Variants in EPHA3 observed in about 807,000 individuals in gnomAD.
EPHA3 encodes EPH receptor A3.
A neutral mutation model predicts 107.1 loss-of-function variants in EPHA3; 42 were observed. The ratio of observed to expected loss-of-function variants is 0.39; its 90% CI spans 0.31 to 0.51. EPHA3 has a LOEUF of 0.51. Among genes scored for constraint, EPHA3 ranks in the 20% least tolerant of loss-of-function variants. EPHA3 has a pLI of 0.78. For missense variants in EPHA3, 1,183 were observed against 1,211.2 expected (o/e 0.98, Z 0.35); for synonymous variants, 461 against 424.8 (o/e 1.09, Z -1.05).
chr3:89,174,664 C>A (rs957742673), intron 2 of EPHA3, among the ~76,000 whole-genome samples: 12 of 151,726 alleles, frequency 7.9e-5, no homozygotes, highest in African/African-American at 2.7e-4. Flanking sequence ...TAAATCAGAG[C>A]CAACAGTCTT....
intron 3 of EPHA3, among the ~76,000 whole-genome samples, chr3:89,255,640 CCTGTAA>C (rs1362905141): frequency 6.6e-6 from 1 of 151,920 alleles, no homozygotes; most frequent in African/African-American, 2.4e-5. Context: ...GTGGCTCATG[CCTGTAA>C]TCCTAACACT....
intron 13 of EPHA3, among the ~76,000 whole-genome samples, chr3:89,434,905 C>A (rs1390100053): frequency 6.6e-6 from 1 of 151,962 alleles, no homozygotes; most frequent in African/African-American, 2.4e-5. Flanking sequence ...CTTGGAACTC[C>A]CTCAAAATAT....
At chr3:89,235,095 T>C (rs896889245) in intron 3 of EPHA3, among the ~76,000 whole-genome samples, 4 of 149,754 alleles carry the variant, frequency 2.7e-5, no homozygotes, top group African/African-American at 9.8e-5. Flanking sequence ...TCAATATTTG[T>C]AGTTTTAGTA....
At chr3:89,294,587 A>G (rs1221589518) in intron 3 of EPHA3, among the ~76,000 whole-genome samples, 1 of 151,980 alleles carries the variant, frequency 6.6e-6, no homozygotes, top group Non-Finnish European at 1.5e-5. Context: ...GCTCATGAAA[A>G]TTTTCCTGTA....
chr3:89,442,517 A>G (rs1319372006), intron 13 of EPHA3, among the ~76,000 whole-genome samples: 3 of 152,158 alleles, frequency 2.0e-5, no homozygotes, highest in Non-Finnish European at 4.4e-5. Context: ...GGAGATGCTA[A>G]TGTAATCTAG....
intron 5 of EPHA3, among the ~76,000 whole-genome samples, chr3:89,393,299 G>C (rs1402153601): frequency 6.6e-6 from 1 of 152,194 alleles, no homozygotes; most frequent in East Asian, 1.9e-4. Flanking sequence ...CTTGCTCAAA[G>C]AGCTTTGAAG....
At chr3:89,118,558 A>T (rs1707308081) in intron 1 of EPHA3, among the ~76,000 whole-genome samples, 1 of 151,898 alleles carries the variant, frequency 6.6e-6, no homozygotes, top group South Asian at 2.1e-4. Flanking sequence ...TAGTAGGTTT[A>T]CTACCCTAAC....
intron 6 of EPHA3, 100 bp downstream of exon 6, chr3:89,396,061 G>C (rs1032475079): frequency 6.7e-7 from 1 of 1,502,314 alleles, no homozygotes; most frequent in Non-Finnish European, 9.1e-7. Flanking sequence ...CTGGTAAATG[G>C]TAGAGCACTG....
At chr3:89,291,869 T>C (rs563503594) in intron 3 of EPHA3, among the ~76,000 whole-genome samples, 39 of 152,176 alleles carry the variant, frequency 2.6e-4, no homozygotes, top group Non-Finnish European at 5.4e-4. Flanking sequence ...TAATCTATGA[T>C]CCTTACTCTA....
At position 89,292,878 on chromosome 3, in the gene EPHA3, T is replaced by C. The variant is rs145187045; in HGVS notation, c.815-48038T>C. Reference sequence around the variant, plus strand: ...TTTGGATAATTATGGAAGACTGGGCTGGCTAAATCATGTGACTTTTACACT... The same window carrying C: ...TTTGGATAATTATGGAAGACTGGGCCGGCTAAATCATGTGACTTTTACACT... On this transcript the variant is annotated intron_variant, in intron 3 of 16. Coordinates refer to ENST00000336596, the MANE Select transcript of EPHA3 (RefSeq NM_005233.6). 4.1e-3 allele frequency among the ~76,000 whole-genome samples: 632 copies of C among 152,328 alleles called. 23 individuals carry two copies. The highest frequency in any genetic ancestry group is 0.038 in the Admixed American group (576 of 15,278).
intron 3 of EPHA3, among the ~76,000 whole-genome samples, chr3:89,309,992 C>T (rs765258557): frequency 1.7e-4 from 26 of 152,048 alleles, no homozygotes; most frequent in Admixed American, 3.9e-4. Flanking sequence ...AATGCATCAC[C>T]TCAGAATTAA....
intron 11 of EPHA3, among the ~76,000 whole-genome samples, chr3:89,422,262 T>G (rs1247179605): frequency 6.8e-6 from 1 of 147,364 alleles, no homozygotes; most frequent in Non-Finnish European, 1.5e-5. Flanking sequence ...AAGAAGCTAT[T>G]TATTCTACTG....
At chr3:89,321,494 A>G (rs1200051813) in intron 3 of EPHA3, among the ~76,000 whole-genome samples, 1 of 152,104 alleles carries the variant, frequency 6.6e-6, no homozygotes, top group Admixed American at 6.6e-5. Context: ...CCTTGGGTAC[A>G]GCACTTCCTT....
At chr3:89,196,220 G>C (rs1038502073) in intron 2 of EPHA3, among the ~76,000 whole-genome samples, 3 of 152,096 alleles carry the variant, frequency 2.0e-5, no homozygotes, top group Non-Finnish European at 4.4e-5. Flanking sequence ...TTTTATTTAA[G>C]TATCACATTT....
At chr3:89,120,915 A>G (rs954124737) in intron 1 of EPHA3, among the ~76,000 whole-genome samples, 1 of 152,238 alleles carries the variant, frequency 6.6e-6, no homozygotes, top group African/African-American at 2.4e-5. Flanking sequence ...AAGGTTTTTC[A>G]TAGCAATGTT....
intron 15 of EPHA3, 29 bp downstream of exon 15, chr3:89,450,399 T>G: frequency 6.3e-7 from 1 of 1,589,414 alleles, no homozygotes. Context: ...TATCTGGCAT[T>G]CACTCTGAAA....
chr3:89,429,182 C>T lies in EPHA3; in HGVS notation c.2136+15C>T, dbSNP rs1426628067. ...GTTTCCTACGTGTAAGTAAGATGCA[C>T]ACACATACATATATATGAATAAATT... is the stretch of plus-strand genomic sequence containing the variant. On this transcript the variant is annotated intron_variant, in intron 12 of 16. Coordinates refer to ENST00000336596, the MANE Select transcript of EPHA3 (RefSeq NM_005233.6). 1 of 1,589,326 alleles carries T rather than the reference C, an allele frequency of 6.3e-7. No homozygotes were observed. The highest frequency in any genetic ancestry group is 8.6e-7 in the Non-Finnish European group (1 of 1,158,728).
intron 5 of EPHA3, among the ~76,000 whole-genome samples, chr3:89,342,809 AC>A (rs1288932224): frequency 6.6e-6 from 1 of 151,502 alleles, no homozygotes; most frequent in Non-Finnish European, 1.5e-5. Context: ...AATTAGGTAT[AC>A]ATCCCAAGAA....
intron 2 of EPHA3, among the ~76,000 whole-genome samples, chr3:89,136,174 A>T (rs569453100): frequency 6.6e-6 from 1 of 152,098 alleles, no homozygotes; most frequent in African/African-American, 2.4e-5. Flanking sequence ...TCAATCCAGG[A>T]ACATCAAATT....
Sources: gnomAD v4.1 joint callset for allele counts (sites outside exome capture counted in the v4.1 genomes callset) on GRCh38, gnomAD v4.1.1 for gene constraint, MANE v1.5 for transcripts, NCBI Gene and HGNC (gene_info 2026-07-23, HGNC 2026-07-21) for gene names.